The following STX12 variants were observed in gnomAD, a reference collection of about 807,000 sequenced individuals.
STX12 encodes the protein syntaxin 12, also known as syntaxin-12.
STX12 carries 17 observed loss-of-function variants against 42.2 expected under a neutral mutation model. That is an observed-to-expected ratio of 0.40 (90% CI 0.28 to 0.60). STX12 has a LOEUF of 0.60. STX12 is among the 20% of genes least tolerant of loss of function. STX12 has a pLI of 0.39. For synonymous variants in STX12, 108 were observed against 116.7 expected (o/e 0.93, Z 0.48); for missense variants, 297 against 330.9 (o/e 0.90, Z 0.79).
At chr1:27,805,781 G>A (rs984331639) in intron 4 of STX12, among the ~76,000 whole-genome samples, 2 of 152,152 alleles carry the variant, frequency 1.3e-5, no homozygotes, top group African/African-American at 4.8e-5. Flanking sequence ...TCTGGTTGAA[G>A]TATCTGAAGA....
intron 3 of STX12, among the ~76,000 whole-genome samples, chr1:27,797,709 C>T (rs1213435801): frequency 3.3e-5 from 5 of 152,096 alleles, no homozygotes; most frequent in Admixed American, 2.6e-4. Context: ...CTGAAATAAA[C>T]TACCTTCATA....
intron 1 of STX12, among the ~76,000 whole-genome samples, chr1:27,784,941 T>C (rs929882110): frequency 1.3e-5 from 2 of 151,976 alleles, no homozygotes; most frequent in South Asian, 4.2e-4. Context: ...CCCCCCAAAT[T>C]TAGGTCATCC....
At position 27,819,638 on chromosome 1, in the gene STX12, T is replaced by C; in HGVS notation, c.650-12T>C. 1 of 1,612,706 alleles carries C rather than the reference T, an allele frequency of 6.2e-7. No individual in the cohort carries two copies. The highest frequency in any genetic ancestry group is 8.5e-7 in the Non-Finnish European group (1 of 1,178,994). On this transcript the variant is annotated splice_polypyrimidine_tract_variant and intron_variant, in intron 7 of 8. Coordinates refer to ENST00000373943, the MANE Select transcript of STX12 (RefSeq NM_177424.3). Reference sequence around the variant, plus strand: ...GAGTGTGTTAAAACATCCTCTGTCCTTCCTTTTGCAGATAGCATAGAAGCC... The same window carrying C: ...GAGTGTGTTAAAACATCCTCTGTCCCTCCTTTTGCAGATAGCATAGAAGCC...
intron 4 of STX12, among the ~76,000 whole-genome samples, chr1:27,807,645 G>T (rs1258449640): frequency 6.6e-6 from 1 of 152,120 alleles, no homozygotes; most frequent in African/African-American, 2.4e-5. Context: ...AAACATTTTG[G>T]CTGTATCTTC....
chr1:27,818,880 G>T (rs1330494913), intron 7 of STX12, among the ~76,000 whole-genome samples: 1 of 152,152 alleles, frequency 6.6e-6, no homozygotes, highest in African/African-American at 2.4e-5. Flanking sequence ...TGCCCGCCTT[G>T]GCCTCCCAGG....
At chr1:27,778,274 ATG>A (rs1229162768) in intron 1 of STX12, among the ~76,000 whole-genome samples, 2 of 152,238 alleles carry the variant, frequency 1.3e-5, no homozygotes, top group Admixed American at 1.3e-4. Context: ...GATTATCAGT[ATG>A]TGTTGGGTAC....
intron 4 of STX12, among the ~76,000 whole-genome samples, chr1:27,804,462 TAA>T (rs1048197774): frequency 1.4e-5 from 2 of 141,688 alleles, no homozygotes. Context: ...TCTTGAATCT[TAA>T]AAAAAAAAAA....
At chr1:27,797,683 G>T (rs886853013) in intron 3 of STX12, among the ~76,000 whole-genome samples, 1 of 151,952 alleles carries the variant, frequency 6.6e-6, no homozygotes, top group Non-Finnish European at 1.5e-5. Flanking sequence ...TTCAATTCAT[G>T]TTCTGACATC....
Position 27,773,431 on chromosome 1 carries a change from C to T in STX12, c.118+6C>T, listed in dbSNP as rs1467089443. 1.2e-6 allele frequency: 2 copies of T among 1,612,788 alleles called. No homozygotes were observed. Among genetic ancestry groups the T allele is most frequent in the East Asian group, 2.2e-5 (1 of 44,856 alleles). ...CCAGCGGATCAGCCAAGCCAGTGAG[C>T]CGGGGTACCGAGCTGGGGGGCGGGA... On this transcript the variant is annotated splice_donor_region_variant and intron_variant, in intron 1 of 8. Coordinates refer to ENST00000373943, the MANE Select transcript of STX12 (RefSeq NM_177424.3).
chr1:27,809,223 A>G (rs1482865167), intron 4 of STX12, among the ~76,000 whole-genome samples: 4 of 151,846 alleles, frequency 2.6e-5, no homozygotes, highest in Non-Finnish European at 4.4e-5. Context: ...AGTCCCAGCT[A>G]CTCAGGAGGC....
intron 4 of STX12, chr1:27,810,017 C>T (rs1557805892): frequency 7.1e-6 from 3 of 422,612 alleles, no homozygotes; most frequent in South Asian, 5.5e-5. Context: ...TATTCTCCAC[C>T]CTGTTCAGTA....
chr1:27,774,622 G>A (rs963223706), intron 1 of STX12, among the ~76,000 whole-genome samples: 1 of 152,100 alleles, frequency 6.6e-6, no homozygotes, highest in Non-Finnish European at 1.5e-5. Context: ...GCCTCCCAAA[G>A]TGCTGGGATT....
chr1:27,792,287 G>GATACATATATATGTATCTATATATATGTT (rs2088753574), intron 2 of STX12, among the ~76,000 whole-genome samples: 2 of 71,886 alleles, frequency 2.8e-5, no homozygotes, highest in African/African-American at 3.1e-4. Flanking sequence ...TATATATGTA[G>GATACATATATATGTATCTATATATATGTT]ATACATATAT....
In STX12 at chr1:27,822,117, G is replaced by A. The variant is rs145288788; in HGVS notation, c.733-114G>A. 293 of 699,084 alleles carry A rather than the reference G, an allele frequency of 4.2e-4. 1 individual carries two copies. The highest frequency in any genetic ancestry group is 5.6e-4 in the Non-Finnish European group (217 of 387,574). 43.3% of individuals were successfully genotyped at this position (699,084 alleles called of 1,614,324 possible). A position where few individuals can be genotyped will look rare whatever the true frequency, so the allele number is the denominator to read the frequency against. On this transcript the variant is annotated intron_variant, in intron 8 of 8. Coordinates refer to ENST00000373943, the MANE Select transcript of STX12 (RefSeq NM_177424.3). ...GAAAGTCTGTGCATAATTTTGCATG[G>A]ATAGAGTTAATCTTTAATTACAAGG... is the stretch of plus-strand genomic sequence containing the variant.
chr1:27,813,599 T>C (rs1364868421), intron 6 of STX12, among the ~76,000 whole-genome samples: 3 of 152,168 alleles, frequency 2.0e-5, no homozygotes, highest in Admixed American at 1.3e-4. Context: ...TTGGCCTCCA[T>C]CTGTAGCAGT....
chr1:27,818,329 C>T lies in STX12; in HGVS notation c.649+406C>T, dbSNP rs139581157. ...CCAGGAGGTGGAGGTTGCAGTGAGCCGAGATTGCGCCACTGTATTCCAGCC... is the reference window on the plus strand; with the variant it reads ...CCAGGAGGTGGAGGTTGCAGTGAGCTGAGATTGCGCCACTGTATTCCAGCC... On this transcript the variant is annotated intron_variant, in intron 7 of 8. Coordinates refer to ENST00000373943, the MANE Select transcript of STX12 (RefSeq NM_177424.3). Among the ~76,000 whole-genome samples the T allele has an allele frequency of 6.1e-3, 922 of 150,812 alleles. 12 individuals are homozygous for T. Among genetic ancestry groups the T allele is most frequent in the African/African-American group, 0.021 (872 of 40,846 alleles).
intron 1 of STX12, among the ~76,000 whole-genome samples, chr1:27,774,614 C>T (rs1342306982): frequency 2.0e-5 from 3 of 152,142 alleles, no homozygotes; most frequent in Non-Finnish European, 4.4e-5. Context: ...CCACTTTAGC[C>T]TCCCAAAGTG....
Position 27,789,671 on chromosome 1 carries a change from A to G in STX12, c.188+40A>G, listed in dbSNP as rs183188970. The G allele has an allele frequency of 3.1e-4, 462 of 1,494,274 alleles. 1 individual carries two copies. In the African/African-American group the frequency reaches 3.7e-3, roughly 12 times the overall value. 92.6% of individuals were successfully genotyped at this position (1,494,274 alleles called of 1,614,324 possible). On this transcript the variant is annotated intron_variant, in intron 2 of 8. Coordinates refer to ENST00000373943, the MANE Select transcript of STX12 (RefSeq NM_177424.3). ...GACAAGGTTGGGTTTTGTGAGGGCCATTTGAGGACACAGTGTCCTTGCCAG... is the reference window on the plus strand; with the variant it reads ...GACAAGGTTGGGTTTTGTGAGGGCCGTTTGAGGACACAGTGTCCTTGCCAG...
At chr1:27,804,494 T>C (rs2088847931) in intron 4 of STX12, among the ~76,000 whole-genome samples, 1 of 151,178 alleles carries the variant, frequency 6.6e-6, no homozygotes, top group South Asian at 2.1e-4. Flanking sequence ...GGACCTGTAT[T>C]AGTCTGTTCT....
Sources: allele counts gnomAD v4.1 joint callset (sites outside exome capture counted in the v4.1 genomes callset), GRCh38; gene constraint gnomAD v4.1.1; transcripts MANE v1.5; gene names NCBI Gene and HGNC (gene_info 2026-07-23, HGNC 2026-07-21).